Variants in LMX1A observed in about 807,000 individuals in gnomAD.
The protein encoded by LMX1A is LIM homeobox transcription factor 1-alpha.
A neutral mutation model predicts 49.1 loss-of-function variants in LMX1A; 15 were observed. That is an observed-to-expected ratio of 0.31 (90% CI 0.20 to 0.47). The LOEUF is 0.47. Ranked by LOEUF, LMX1A falls within the 20% of genes least tolerant of loss-of-function variation. LMX1A has a pLI of 1.00. For synonymous variants in LMX1A, 167 were observed against 185.7 expected (o/e 0.90, Z 0.82); for missense variants, 372 against 475.8 (o/e 0.78, Z 2.03).
intron 4 of LMX1A, among the ~76,000 whole-genome samples, chr1:165,220,536 A>G (rs1362694297): frequency 6.6e-6 from 1 of 152,222 alleles, no homozygotes; most frequent in African/African-American, 2.4e-5. Flanking sequence ...CATAGCCTCA[A>G]AGAGGTGCAG....
At chr1:165,253,928 T>C (rs1450719764) in intron 3 of LMX1A, among the ~76,000 whole-genome samples, 2 of 152,136 alleles carry the variant, frequency 1.3e-5, no homozygotes, top group Admixed American at 1.3e-4. Flanking sequence ...CTCTCCCCTA[T>C]GCTGGATGCT....
At chr1:165,212,916 C>T (rs1651472136) in intron 5 of LMX1A, 1 of 152,176 alleles carries the variant, frequency 6.6e-6, no homozygotes, top group African/African-American at 2.4e-5. Flanking sequence ...TGGATACATC[C>T]TTAAAAAGCA....
chr1:165,327,825 A>G (rs1451159411), intron 3 of LMX1A, among the ~76,000 whole-genome samples: 1 of 152,254 alleles, frequency 6.6e-6, no homozygotes, highest in Non-Finnish European at 1.5e-5. Context: ...GTCAAGTGTA[A>G]TTAAAAGCTG....
intron 8 of LMX1A, among the ~76,000 whole-genome samples, chr1:165,205,293 C>T (rs1359321074): frequency 6.6e-6 from 1 of 152,100 alleles, no homozygotes; most frequent in African/African-American, 2.4e-5. Flanking sequence ...AGCTTAAGCA[C>T]GAAGCTGGGT....
chr1:165,227,719 C>G (rs1323915093), intron 4 of LMX1A, among the ~76,000 whole-genome samples: 1 of 152,082 alleles, frequency 6.6e-6, no homozygotes, highest in Non-Finnish European at 1.5e-5. Flanking sequence ...ACCATAGTAT[C>G]CATTCAAGAA....
chr1:165,217,346 A>G (rs1651679313), intron 4 of LMX1A, among the ~76,000 whole-genome samples: 1 of 152,164 alleles, frequency 6.6e-6, no homozygotes. Context: ...GGACATGTGT[A>G]CATCCCCCAA....
chr1:165,242,942 A>G (rs1028775903), intron 4 of LMX1A, among the ~76,000 whole-genome samples: 1 of 151,368 alleles, frequency 6.6e-6, no homozygotes, highest in Non-Finnish European at 1.5e-5. Flanking sequence ...AAAAAAAAAA[A>G]AAAAACAAAA....
chr1:165,348,005 C>T (rs535200538), intron 3 of LMX1A, among the ~76,000 whole-genome samples: 1 of 127,188 alleles, frequency 7.9e-6, no homozygotes, highest in East Asian at 2.6e-4. Context: ...AGAGGCTTCC[C>T]TGAAATTAGT....
intron 4 of LMX1A, among the ~76,000 whole-genome samples, chr1:165,241,373 T>C (rs1437979600): frequency 6.6e-6 from 1 of 152,232 alleles, no homozygotes; most frequent in Admixed American, 6.5e-5. Flanking sequence ...TAGGAGATGA[T>C]AATGGTAACT....
At chr1:165,227,313 G>A (rs1227106584) in intron 4 of LMX1A, among the ~76,000 whole-genome samples, 1 of 152,070 alleles carries the variant, frequency 6.6e-6, no homozygotes, top group Non-Finnish European at 1.5e-5. Context: ...CAAGGCGGGT[G>A]GATCACTTGA....
chr1:165,333,117 T>C lies in LMX1A; in HGVS notation c.263+19959A>G, dbSNP rs570404135. ...ACAGAGTCTGTTTTCCTAGATTCAC[T>C]AGGCCTTTATTCTTACCTCTTTGCC... On this transcript the variant is annotated intron_variant, in intron 3 of 8. Transcript: ENST00000342310. Among the ~76,000 whole-genome samples the C allele has an allele frequency of 5.9e-5, 9 of 152,332 alleles. No individual in the cohort carries two copies. The East Asian group carries it at 1.7e-3, about 29-fold the overall frequency.
At chr1:165,330,021 G>C (rs1224454709) in intron 3 of LMX1A, among the ~76,000 whole-genome samples, 3 of 152,076 alleles carry the variant, frequency 2.0e-5, no homozygotes, top group African/African-American at 7.2e-5. Flanking sequence ...AACTGACATG[G>C]GGCAATTAGT....
At chr1:165,224,997 C>A (rs556744153) in intron 4 of LMX1A, among the ~76,000 whole-genome samples, 1 of 152,194 alleles carries the variant, frequency 6.6e-6, no homozygotes, top group East Asian at 1.9e-4. Flanking sequence ...AAAGAGAAAC[C>A]CCAAATTATG....
chr1:165,288,707 T>C (rs757897620), intron 3 of LMX1A, among the ~76,000 whole-genome samples: 5 of 152,250 alleles, frequency 3.3e-5, no homozygotes, highest in Non-Finnish European at 5.9e-5. Context: ...TGCGTGTGTA[T>C]GCGTGTTTGC....
intron 3 of LMX1A, among the ~76,000 whole-genome samples, chr1:165,281,535 A>G (rs1654148079): frequency 6.6e-6 from 1 of 152,256 alleles, no homozygotes; most frequent in Admixed American, 6.5e-5. Context: ...AAGAGACTCC[A>G]GGATTTCTAG....
chr1:165,286,063 A>G (rs1327689639), intron 3 of LMX1A, among the ~76,000 whole-genome samples: 1 of 152,172 alleles, frequency 6.6e-6, no homozygotes, highest in Non-Finnish European at 1.5e-5. Context: ...TGGAATTGGC[A>G]TGAGGGCCCC....
At position 165,355,261 on chromosome 1, in the gene LMX1A, G is replaced by A. The variant is rs549969413; in HGVS notation, c.76+223C>T. Reference sequence around the variant, plus strand: ...GCTCGCCCGCCCCTCGCGGCTTTGGGGAATTCGGTGCCCAGTGCGTGAGGC... The same window carrying A: ...GCTCGCCCGCCCCTCGCGGCTTTGGAGAATTCGGTGCCCAGTGCGTGAGGC... On this transcript the variant is annotated intron_variant, in intron 2 of 8. Coordinates refer to ENST00000342310, the MANE Select transcript of LMX1A (RefSeq NM_177398.4). The surrounding 1 kb of genome is among the most constrained non-coding windows in gnomAD (Gnocchi z 4.7). Among the ~76,000 whole-genome samples the A allele has an allele frequency of 1.3e-5, 2 of 152,148 alleles. No homozygotes were observed. The highest frequency in any genetic ancestry group is 4.8e-5 in the African/African-American group (2 of 41,428).
chr1:165,203,772 C>T lies in LMX1A; in HGVS notation c.*108G>A, dbSNP rs762003461. 8 of 1,009,988 alleles carry T rather than the reference C, an allele frequency of 7.9e-6. No individual in the cohort carries two copies. Among genetic ancestry groups the T allele is most frequent in the Admixed American group, 2.2e-5 (1 of 44,792 alleles). 62.6% of individuals were successfully genotyped at this position (1,009,988 alleles called of 1,614,324 possible). ...TACAACAGCATCCCCAACAAAACTC[C>T]CTCCCCAACCCACCTCTTCCCTGGC... On this transcript the variant is annotated 3_prime_UTR_variant, in exon 9 of 9. Coordinates refer to ENST00000342310, the MANE Select transcript of LMX1A (RefSeq NM_177398.4).
intron 3 of LMX1A, among the ~76,000 whole-genome samples, chr1:165,350,271 C>T (rs1008357731): frequency 6.7e-6 from 1 of 150,146 alleles, no homozygotes; most frequent in African/African-American, 2.5e-5. Flanking sequence ...CTATTGTCTA[C>T]AATTGAGTTG....
Sources: allele counts gnomAD v4.1 joint callset (sites outside exome capture counted in the v4.1 genomes callset), GRCh38; gene constraint gnomAD v4.1.1; non-coding constraint Gnocchi (gnomAD v3.1); transcripts MANE v1.5; gene names NCBI Gene and HGNC (gene_info 2026-07-23, HGNC 2026-07-21).